Variants in BRAT1 observed in about 807,000 individuals in gnomAD.
BRAT1 encodes the protein integrator complex assembly factor BRAT1.
Under a neutral mutation model 70.6 loss-of-function variants are expected in BRAT1, and 74 were observed. That is an observed-to-expected ratio of 1.05 (90% CI 0.87 to 1.27). The LOEUF is 1.27. BRAT1 is among the 50% of genes most tolerant of loss of function. The pLI, the probability that BRAT1 is intolerant of heterozygous loss-of-function variation, is 0.00. For missense variants in BRAT1, 1,203 were observed against 1,098.2 expected, an observed-to-expected ratio of 1.10 and a Z score of -1.35; for synonymous variants, 615 against 517.1, an observed-to-expected ratio of 1.19 and a Z score of -2.57.
Position 2,543,338 on chromosome 7 carries a change from C to G in BRAT1, c.804-15G>C. 6 of 1,568,576 alleles carry G rather than the reference C, an allele frequency of 3.8e-6. No homozygotes were observed. The highest frequency in any genetic ancestry group is 5.2e-6 in the Non-Finnish European group (6 of 1,158,014). The stretch of plus-strand genomic sequence containing the variant: ...ACACGGGAGAACTGCAGGGAGACCC[C>G]AGAGAGAAAAATTACTCCCCCACCC... On this transcript the variant is annotated splice_polypyrimidine_tract_variant and intron_variant, in intron 5 of 13. Coordinates refer to ENST00000340611, the MANE Select transcript of BRAT1 (RefSeq NM_152743.4). This position sits in a 1 kb window ranked among gnomAD's most constrained non-coding sequence, Gnocchi z 5.5.
chr7:2,546,288 A>G (rs894997498), intron 3 of BRAT1, among the ~76,000 whole-genome samples: 1 of 152,020 alleles, frequency 6.6e-6, no homozygotes, highest in African/African-American at 2.4e-5. Flanking sequence ...CAAAGATAAC[A>G]AAGTTAGCCA....
At chr7:2,547,595 G>A (rs2128403930) in intron 2 of BRAT1, 117 bp from the exon 3 acceptor site, 1 of 1,084,726 alleles carries the variant, frequency 9.2e-7, no homozygotes, top group East Asian at 2.5e-5. Flanking sequence ...TTAGATTTAG[G>A]GATCCAACTG....
chr7:2,545,295 C>T lies in BRAT1; in HGVS notation c.283-239G>A, dbSNP rs151307068. On this transcript the variant is annotated intron_variant, in intron 3 of 13. Coordinates refer to ENST00000340611, the MANE Select transcript of BRAT1 (RefSeq NM_152743.4). ...AGGAGAATTGCTTGAACCCGGGAGG[C>T]GAAGGTTGCAGTGAGCCAAGATCGC... Among the ~76,000 whole-genome samples, 616 of 133,506 alleles carry T rather than the reference C, an allele frequency of 4.6e-3. 5 individuals carry two copies. Among genetic ancestry groups the T allele is most frequent in the African/African-American group, 0.017 (580 of 34,572 alleles). The allele number at this position is 133,506 out of a possible 152,430, so 87.6% of individuals were successfully genotyped here.
intron 2 of BRAT1, among the ~76,000 whole-genome samples, chr7:2,552,421 A>AAT (rs10633739): frequency 0.075 from 11,305 of 151,162 alleles, 913 homozygotes; most frequent in East Asian, 0.28. Flanking sequence ...CCTGGCCTTA[A>AAT]ATATATATAT....
intron 4 of BRAT1, among the ~76,000 whole-genome samples, chr7:2,544,433 C>G (rs1255618901): frequency 6.6e-6 from 1 of 152,078 alleles, no homozygotes; most frequent in Non-Finnish European, 1.5e-5. Context: ...AACTCCTGAC[C>G]TCAGGTGATC....
chr7:2,544,223 G>T (rs1321698055), intron 4 of BRAT1: 5 of 87,784 alleles, frequency 5.7e-5, no homozygotes, highest in Non-Finnish European at 1.0e-4. Context: ...TTTTTTTTGA[G>T]ACAGAGTCTT....
chr7:2,540,812 C>T, intron 10 of BRAT1, 167 bp downstream of exon 10: 1 of 680,178 alleles, frequency 1.5e-6, no homozygotes, highest in Non-Finnish European at 2.2e-6. Flanking sequence ...AGGCCCTGGG[C>T]CCGCCCCATG....
intron 2 of BRAT1, among the ~76,000 whole-genome samples, chr7:2,551,278 T>G (rs1289675643): frequency 6.7e-6 from 1 of 149,908 alleles, no homozygotes; most frequent in Non-Finnish European, 1.5e-5. Context: ...TATATCTATA[T>G]ATAGATATAT....
At position 2,539,772 on chromosome 7, in the gene BRAT1, AG is replaced by A; in HGVS notation, c.1498+13del. 1 of 1,605,720 alleles carries A rather than the reference AG, an allele frequency of 6.2e-7. No individual in the cohort carries two copies. The highest frequency in any genetic ancestry group is 8.5e-7 in the Non-Finnish European group (1 of 1,176,078). On this transcript the variant is annotated intron_variant, in intron 11 of 13. Coordinates refer to ENST00000340611, the MANE Select transcript of BRAT1 (RefSeq NM_152743.4). ...GACTCCAGCTCCGTTCACCCCTGCA[AG>A]GGGCTGCGTTACCTCTGAGGAACTG... is the stretch of plus-strand genomic sequence containing the variant.
At chr7:2,540,226 G>C (rs1779042829) in intron 10 of BRAT1, 1 of 250,076 alleles carries the variant, frequency 4.0e-6, no homozygotes, top group Non-Finnish European at 7.6e-6. Context: ...TATACTCCTG[G>C]GGCTAATTTT....
At chr7:2,548,423 G>A (rs145092097) in intron 2 of BRAT1, among the ~76,000 whole-genome samples, 289 of 151,992 alleles carry the variant, frequency 1.9e-3, no homozygotes, top group African/African-American at 6.7e-3. Context: ...TGCAGGCTGG[G>A]TGAGGTGCTC....
intron 1 of BRAT1, 23 bp downstream of exon 1, chr7:2,555,464 C>G (rs1410635778): frequency 6.6e-6 from 1 of 152,312 alleles, no homozygotes; most frequent in Non-Finnish European, 1.5e-5. Context: ...CGACCTCGAC[C>G]CCCGAAGGCC....
At chr7:2,541,952 G>T in intron 7 of BRAT1, 116 bp from the exon 8 acceptor site, 2 of 1,271,112 alleles carry the variant, frequency 1.6e-6, no homozygotes, top group Non-Finnish European at 2.2e-6. Context: ...CAGAGCAGCA[G>T]CTCACCAGGG....
At position 2,541,709 on chromosome 7, in the gene BRAT1, C is replaced by T. The variant is rs752297498; in HGVS notation, c.1134+9G>A. ...CTGCTGGGCTGCATGAGGACCGGGC[C>T]GCACCTACCAGCGGCTGCAGCTCCT... On this transcript the variant is annotated intron_variant, in intron 8 of 13. Coordinates refer to ENST00000340611, the MANE Select transcript of BRAT1 (RefSeq NM_152743.4). 55 of 1,602,598 alleles carry T rather than the reference C, an allele frequency of 3.4e-5. No homozygotes were observed. The Admixed American group carries it at 4.1e-4, about 12-fold the overall frequency.
intron 2 of BRAT1, among the ~76,000 whole-genome samples, chr7:2,547,928 C>A (rs557821283): frequency 1.2e-4 from 18 of 151,988 alleles, no homozygotes. Flanking sequence ...ACTAAAAATA[C>A]AAAAAATTAG....
chr7:2,547,120 C>T (rs1177503922), intron 3 of BRAT1, among the ~76,000 whole-genome samples: 2 of 152,200 alleles, frequency 1.3e-5, no homozygotes, highest in African/African-American at 4.8e-5. Flanking sequence ...ACCTCAACTC[C>T]TTAGCCCCAG....
At chr7:2,550,481 C>CAAAAAAAAAAAAAAAAAAAAAACA in intron 2 of BRAT1, among the ~76,000 whole-genome samples, 1 of 57,614 alleles carries the variant, frequency 1.7e-5, no homozygotes, top group Non-Finnish European at 2.8e-5. Context: ...AAAAAAAAAA[C>CAAAAAAAAAAAAAAAAAAAAAACA]AAAAAAAAAA....
intron 2 of BRAT1, among the ~76,000 whole-genome samples, chr7:2,552,093 TA>T (rs1780058463): frequency 3.0e-3 from 56 of 18,450 alleles, no homozygotes; most frequent in Non-Finnish European, 4.5e-3. Flanking sequence ...TATATATATA[TA>T]TATATATATA....
chr7:2,541,076 ACCACCC>A, intron 9 of BRAT1, 24 bp from the exon 10 acceptor site: 1 of 1,334,098 alleles, frequency 7.5e-7, no homozygotes, highest in Non-Finnish European at 9.9e-7. Context: ...GAGTGGATAA[ACCACCC>A]CCACCCCCAC....
Sources: gnomAD v4.1 joint callset for allele counts (sites outside exome capture counted in the v4.1 genomes callset) on GRCh38, gnomAD v4.1.1 for gene constraint, Gnocchi (gnomAD v3.1) non-coding constraint, MANE v1.5 for transcripts, NCBI Gene and HGNC (gene_info 2026-07-23, HGNC 2026-07-21) for gene names.